The following MIA2 variants were observed in gnomAD, a reference collection of about 807,000 sequenced individuals.
MIA2 encodes the protein MIA SH3 domain ER export factor 2.
In MIA2, 127 loss-of-function variants were observed where a neutral mutation model predicts 167.8. The ratio of observed to expected loss-of-function variants is 0.76; its 90% CI spans 0.66 to 0.88. The LOEUF is 0.88. Ranked by LOEUF, MIA2 falls within the 40% of genes least tolerant of loss-of-function variation. The probability of loss-of-function intolerance (pLI) is 0.00; values close to 1 mark genes in which losing one functional copy is unlikely to be tolerated. For synonymous variants in MIA2, 552 were observed against 541.9 expected (o/e 1.02, Z -0.26); for missense variants, 1,690 against 1,624.7 (o/e 1.04, Z -0.69).
chr14:39,267,075 G>A (rs1279998347), intron 6 of MIA2: 12 of 1,081,404 alleles, frequency 1.1e-5, no homozygotes, highest in Non-Finnish European at 1.4e-5. Flanking sequence ...AAACGACCCG[G>A]ACACGTCTGC....
rs765990558 is a variant in MIA2 at position 39,258,930 on chromosome 14, C to T, written c.1887+5759C>T. Among the ~76,000 whole-genome samples the T allele has an allele frequency of 7.9e-5, 12 of 152,366 alleles. 1 individual carries two copies. Among genetic ancestry groups the T allele is most frequent in the Non-Finnish European group, 1.6e-4 (11 of 68,034 alleles). ...AGTGGAGGCTGCACAACAGCAAAGA[C>T]TGCTGTCTGCTCCTTCCTTTGGACA... is the stretch of plus-strand genomic sequence containing the variant. On this transcript the variant is annotated intron_variant, in intron 6 of 28. Coordinates refer to ENST00000640607, the MANE Select transcript of MIA2 (RefSeq NM_001329214.4).
chr14:39,357,154 T>C (rs1006977073), intron 23 of MIA2, among the ~76,000 whole-genome samples: 1 of 152,230 alleles, frequency 6.6e-6, no homozygotes, highest in Non-Finnish European at 1.5e-5. Flanking sequence ...CAATGGGGTG[T>C]TAAAGTCTCC....
At chr14:39,299,371 A>T (rs1016009763) in intron 13 of MIA2, among the ~76,000 whole-genome samples, 1 of 123,032 alleles carries the variant, frequency 8.1e-6, no homozygotes, top group Non-Finnish European at 1.6e-5. Flanking sequence ...GCAGTGGTGC[A>T]ATCTTGGCTC....
At chr14:39,340,672 G>A (rs1338263991) in intron 25 of MIA2, among the ~76,000 whole-genome samples, 1 of 152,148 alleles carries the variant, frequency 6.6e-6, no homozygotes, top group Non-Finnish European at 1.5e-5. Flanking sequence ...TTCTGAAGTC[G>A]TGGTATATAT....
intron 6 of MIA2, among the ~76,000 whole-genome samples, chr14:39,270,414 T>A (rs1487485760): frequency 1.3e-5 from 2 of 152,080 alleles, no homozygotes; most frequent in African/African-American, 4.8e-5. Context: ...TTGGCCAGGA[T>A]GATCTCGATC....
chr14:39,243,331 TG>T (rs1204419519), intron 3 of MIA2, among the ~76,000 whole-genome samples: 1 of 152,120 alleles, frequency 6.6e-6, no homozygotes, highest in Non-Finnish European at 1.5e-5. Context: ...TCTGGGGTAC[TG>T]TAACTTTGGG....
chr14:39,307,454 T>C (rs2063535800), intron 17 of MIA2, among the ~76,000 whole-genome samples: 1 of 133,528 alleles, frequency 7.5e-6, no homozygotes, highest in Non-Finnish European at 1.5e-5. Flanking sequence ...CAGGCTGGAG[T>C]GCAGTGGCGT....
At chr14:39,267,535 G>A (rs773541449) in intron 6 of MIA2, 1 of 1,613,108 alleles carries the variant, frequency 6.2e-7, no homozygotes, top group East Asian at 2.2e-5. Context: ...GAGCCCAGGC[G>A]CGATGAGTGT....
At chr14:39,291,914 C>T (rs539507011) in intron 10 of MIA2, among the ~76,000 whole-genome samples, 1 of 152,306 alleles carries the variant, frequency 6.6e-6, no homozygotes, top group African/African-American at 2.4e-5. Flanking sequence ...ACACCTGCGT[C>T]TGCAGATACT....
chr14:39,293,408 A>G lies in MIA2; in HGVS notation c.2319+27A>G, dbSNP rs184293867. 83 of 1,404,282 alleles carry G rather than the reference A, an allele frequency of 5.9e-5. No individual in the cohort carries two copies. The Middle Eastern group carries it at 7.1e-4, about 12-fold the overall frequency. The allele number at this position is 1,404,282 out of a possible 1,614,324, so 87.0% of individuals were successfully genotyped here. On this transcript the variant is annotated intron_variant, in intron 11 of 28. Coordinates refer to ENST00000640607, the MANE Select transcript of MIA2 (RefSeq NM_001329214.4). ...TAAGGCTTTTTTATTTGAGGAGAAT[A>G]TAAGAAAAAGAAAGTTACTGAGCTT...
At chr14:39,309,010 C>G (rs1315191250) in intron 18 of MIA2, among the ~76,000 whole-genome samples, 1 of 152,152 alleles carries the variant, frequency 6.6e-6, no homozygotes, top group African/African-American at 2.4e-5. Flanking sequence ...TACTTAGTTA[C>G]TTAGGGTGGC....
At chr14:39,257,136 C>A (rs1174780222) in intron 6 of MIA2, among the ~76,000 whole-genome samples, 2 of 152,086 alleles carry the variant, frequency 1.3e-5, no homozygotes, top group African/African-American at 4.8e-5. Context: ...TCCTGAATAA[C>A]CTTGTTAATT....
chr14:39,376,391 A>T (rs1050352267), intron 23 of MIA2, among the ~76,000 whole-genome samples: 135 of 152,306 alleles, frequency 8.9e-4, no homozygotes, highest in African/African-American at 3.1e-3. Context: ...TAGTGTTTTT[A>T]AAAGTTAAAT....
chr14:39,350,807 T>G (rs1567039281), downstream of MIA2: 1 of 152,212 alleles, frequency 6.6e-6, no homozygotes, highest in Non-Finnish European at 1.5e-5. Flanking sequence ...CTCTTTCTTG[T>G]AAATAGACAT....
intron 6 of MIA2, among the ~76,000 whole-genome samples, chr14:39,254,358 C>T (rs1172735226): frequency 6.6e-6 from 1 of 152,144 alleles, no homozygotes; most frequent in African/African-American, 2.4e-5. Context: ...GAGTTCAACT[C>T]TATCTTGTAG....
At chr14:39,272,693 G>A (rs892380802) in intron 6 of MIA2, among the ~76,000 whole-genome samples, 1 of 152,090 alleles carries the variant, frequency 6.6e-6, no homozygotes, top group Non-Finnish European at 1.5e-5. Context: ...GCCTGGGGAG[G>A]GCAAGGCTGC....
In MIA2 at chr14:39,247,223, T is replaced by C; in HGVS notation, c.649T>C (p.Ser217Pro). Reference sequence around the variant, plus strand: ...TATTCCAGAAGTGCATGTCCCACCATCTTCAGCTGTGTCTGGAGTCAAAGA... The same window carrying C: ...TATTCCAGAAGTGCATGTCCCACCACCTTCAGCTGTGTCTGGAGTCAAAGA... ...DRIPEVHVPP[S>P]SAVSGVKEWF... The change falls in exon 4 of 29, where the codon TCT becomes CCT. Residue 217 changes from serine (S) to proline (P), a missense_variant. Ser to Pro is a moderately conservative substitution (Grantham distance 74). Transcript: ENST00000640607. 6.2e-7 allele frequency: 1 copy of C among 1,614,106 alleles called. No homozygotes were observed. The highest frequency in any genetic ancestry group is 8.5e-7 in the Non-Finnish European group (1 of 1,180,012).
chr14:39,267,334 A>C, intron 6 of MIA2: 1 of 1,546,332 alleles, frequency 6.5e-7, no homozygotes, highest in Non-Finnish European at 8.7e-7. Flanking sequence ...CCGGCTCCGC[A>C]GTGGTCCACT....
At chr14:39,314,673 G>T in intron 19 of MIA2, 66 bp from the exon 20 acceptor site, 35 of 653,308 alleles carry the variant, frequency 5.4e-5, no homozygotes, top group East Asian at 1.2e-4. Context: ...TATTTTTTTA[G>T]TAGAGAGTAT....
Sources: allele counts gnomAD v4.1 joint callset (sites outside exome capture counted in the v4.1 genomes callset), GRCh38; gene constraint gnomAD v4.1.1; transcripts MANE v1.5; gene names NCBI Gene and HGNC (gene_info 2026-07-23, HGNC 2026-07-21).